THADA: variants seen among roughly 807,000 people sequenced by gnomAD.
THADA encodes THADA armadillo repeat containing.
In THADA, 213 loss-of-function variants were observed where a neutral mutation model predicts 219.8. The ratio of observed to expected loss-of-function variants is 0.97; its 90% CI spans 0.87 to 1.09. The LOEUF is 1.09. Among genes scored for constraint, THADA ranks in the 50% least tolerant of loss-of-function variants. THADA has a pLI of 0.00. For missense variants in THADA, 2,956 were observed against 2,311.3 expected (o/e 1.28, Z -5.72); for synonymous variants, 1,018 against 828.9 (o/e 1.23, Z -3.92).
chr2:43,475,950 G>C (rs1309972546), intron 26 of THADA, among the ~76,000 whole-genome samples: 1 of 152,206 alleles, frequency 6.6e-6, no homozygotes, highest in Non-Finnish European at 1.5e-5. Context: ...GAATGTAGTA[G>C]CACACATGAT....
intron 21 of THADA, among the ~76,000 whole-genome samples, chr2:43,528,969 G>A (rs1009253743): frequency 2.0e-5 from 3 of 151,984 alleles, no homozygotes; most frequent in South Asian, 2.1e-4. Context: ...AAAATAACCC[G>A]TATTACCTTT....
intron 36 of THADA, among the ~76,000 whole-genome samples, chr2:43,236,315 G>A (rs897747781): frequency 6.6e-6 from 1 of 152,226 alleles, no homozygotes; most frequent in Non-Finnish European, 1.5e-5. Flanking sequence ...GGATGAGTTG[G>A]ATTTAGATCT....
chr2:43,240,045 T>C (rs189979095), intron 36 of THADA, among the ~76,000 whole-genome samples: 1 of 152,248 alleles, frequency 6.6e-6, no homozygotes, highest in East Asian at 1.9e-4. Context: ...GAAGACGGTG[T>C]GTGACACAGA....
chr2:43,460,973 A>G (rs1387645590), intron 26 of THADA, among the ~76,000 whole-genome samples: 1 of 152,076 alleles, frequency 6.6e-6, no homozygotes, highest in Non-Finnish European at 1.5e-5. Context: ...AGGAGGAGAA[A>G]AGTCAGTGGA....
intron 19 of THADA, among the ~76,000 whole-genome samples, chr2:43,550,996 C>T (rs1053805417): frequency 2.0e-5 from 3 of 152,132 alleles, no homozygotes; most frequent in African/African-American, 7.2e-5. Flanking sequence ...TTTAGACTAA[C>T]AACAGGCTAA....
intron 22 of THADA, among the ~76,000 whole-genome samples, chr2:43,523,627 T>C (rs540928550): frequency 6.6e-6 from 1 of 152,342 alleles, no homozygotes; most frequent in East Asian, 1.9e-4. Context: ...AAAGTTTAAA[T>C]ACATATTTAA....
chr2:43,501,763 G>C (rs1278541050), intron 24 of THADA, among the ~76,000 whole-genome samples: 1 of 152,140 alleles, frequency 6.6e-6, no homozygotes, highest in Non-Finnish European at 1.5e-5. Flanking sequence ...GGCCAACGTG[G>C]TGAAACCCCA....
At chr2:43,237,580 T>C (rs1431032110) in intron 36 of THADA, among the ~76,000 whole-genome samples, 1 of 151,528 alleles carries the variant, frequency 6.6e-6, no homozygotes, top group East Asian at 2.0e-4. Flanking sequence ...TTTATATTTT[T>C]AGTAGAGACG....
At chr2:43,457,201 T>C (rs1683121793) in intron 26 of THADA, among the ~76,000 whole-genome samples, 1 of 137,472 alleles carries the variant, frequency 7.3e-6, no homozygotes, top group Admixed American at 7.4e-5. Context: ...GTGAGTGAGG[T>C]GATTAAAGGA....
chr2:43,458,113 T>G (rs1683227589), intron 26 of THADA, among the ~76,000 whole-genome samples: 1 of 152,160 alleles, frequency 6.6e-6, no homozygotes, highest in Non-Finnish European at 1.5e-5. Flanking sequence ...GAAGCCTTCA[T>G]CTCCTCTGGC....
At chr2:43,568,394 T>C (rs1054672747) in intron 14 of THADA, among the ~76,000 whole-genome samples, 2 of 152,206 alleles carry the variant, frequency 1.3e-5, no homozygotes, top group Non-Finnish European at 2.9e-5. Flanking sequence ...TGGCACCCAC[T>C]CTTATGATGG....
chr2:43,517,468 GTT>G (rs1176865765), intron 22 of THADA, among the ~76,000 whole-genome samples: 6 of 152,110 alleles, frequency 3.9e-5, no homozygotes, highest in Non-Finnish European at 7.4e-5. Flanking sequence ...CCAAACAATA[GTT>G]TACTTACAAA....
intron 30 of THADA, among the ~76,000 whole-genome samples, chr2:43,327,749 T>C (rs993120733): frequency 6.6e-6 from 1 of 152,030 alleles, no homozygotes; most frequent in Non-Finnish European, 1.5e-5. Flanking sequence ...CAAACAGCAA[T>C]AACAACAACA....
intron 22 of THADA, among the ~76,000 whole-genome samples, chr2:43,516,582 T>C (rs1324844934): frequency 6.6e-6 from 1 of 152,164 alleles, no homozygotes; most frequent in Non-Finnish European, 1.5e-5. Flanking sequence ...TATTTCACAC[T>C]AATGTTTAAA....
At chr2:43,290,048 T>C (rs1455404078) in intron 34 of THADA, among the ~76,000 whole-genome samples, 1 of 147,168 alleles carries the variant, frequency 6.8e-6, no homozygotes, top group East Asian at 2.1e-4. Context: ...TGATCTCAGA[T>C]CACTGCAATC....
At chr2:43,530,247 A>G (rs1574102334) in intron 21 of THADA, among the ~76,000 whole-genome samples, 1 of 152,338 alleles carries the variant, frequency 6.6e-6, no homozygotes, top group East Asian at 1.9e-4. Context: ...TCTTGATTTT[A>G]GTATCTTTTA....
At chr2:43,334,932 T>A (rs1666235884) in intron 30 of THADA, among the ~76,000 whole-genome samples, 1 of 152,206 alleles carries the variant, frequency 6.6e-6, no homozygotes, top group Non-Finnish European at 1.5e-5. Flanking sequence ...GGAGAGAATC[T>A]TGGGCTGATC....
At chr2:43,463,634 T>C (rs148676308) in intron 26 of THADA, among the ~76,000 whole-genome samples, 2 of 152,346 alleles carry the variant, frequency 1.3e-5, no homozygotes, top group African/African-American at 4.8e-5. Flanking sequence ...CTTACTGTTC[T>C]GGAATTTAAG....
chr2:43,404,441 CT>C (rs1675285735), intron 28 of THADA, among the ~76,000 whole-genome samples: 1 of 150,838 alleles, frequency 6.6e-6, no homozygotes, highest in African/African-American at 2.4e-5. Flanking sequence ...GCTCCTCCCA[CT>C]CTGGCATCCC....
Sources: gnomAD v4.1 joint callset for allele counts (sites outside exome capture counted in the v4.1 genomes callset) on GRCh38, gnomAD v4.1.1 for gene constraint, MANE v1.5 for transcripts, NCBI Gene and HGNC (gene_info 2026-07-23, HGNC 2026-07-21) for gene names.